Variants in SOX5 observed in about 807,000 individuals in gnomAD.
SOX5 encodes the protein SRY-box transcription factor 5, also known as transcription factor SOX-5.
A neutral mutation model predicts 92.0 loss-of-function variants in SOX5; 9 were observed. The ratio of observed to expected loss-of-function variants is 0.10; its 90% confidence interval spans 0.06 to 0.17. SOX5 has a LOEUF of 0.17. SOX5 is among the 10% of genes least tolerant of loss of function. The probability of loss-of-function intolerance (pLI) is 1.00; values close to 1 mark genes in which losing one functional copy is unlikely to be tolerated. For synonymous variants in SOX5, 344 were observed against 336.3 expected, an observed-to-expected ratio of 1.02 and a Z score of -0.25; for missense variants, 642 against 944.5, an observed-to-expected ratio of 0.68 and a Z score of 4.20.
At chr12:24,384,828 C>T (rs891298721) in intron 1 of SOX5, among the ~76,000 whole-genome samples, 13 of 152,116 alleles carry the variant, frequency 8.5e-5, no homozygotes, top group East Asian at 1.9e-4. Context: ...TCTCCTGAAA[C>T]GAGTAATATC....
intron 2 of SOX5, among the ~76,000 whole-genome samples, chr12:24,347,508 C>A (rs544220026): frequency 6.6e-6 from 1 of 152,210 alleles, no homozygotes; most frequent in South Asian, 2.1e-4. Flanking sequence ...AAAAAAAATT[C>A]TCATTAACTA....
In SOX5 at chr12:23,869,712, C is replaced by G. The variant is rs1406481694; in HGVS notation, c.271-23519G>C. Among the ~76,000 whole-genome samples the G allele has an allele frequency of 2.0e-5, 3 of 152,090 alleles. No individual in the cohort carries two copies. The East Asian group carries it at 5.8e-4, about 29-fold the overall frequency. On this transcript the variant is annotated intron_variant, in intron 2 of 14. Coordinates refer to ENST00000451604, the MANE Select transcript of SOX5 (RefSeq NM_006940.6). The stretch of plus-strand genomic sequence containing the variant: ...GATGTTCTTTTCATACTAAGACTTC[C>G]CGATGAAAGAAGTAGCTCAGACCAC...
Position 24,294,525 on chromosome 12 carries a change from G to A in SOX5, c.-173-17213C>T, listed in dbSNP as rs766233130. On this transcript the variant is annotated intron_variant, in intron 2 of 4. Transcript: ENST00000446891. ...CAAATGTGAATACCTCCATGCAAAT[G>A]CCCACACTCTGAGAAGCACCGCCCC... is the stretch of plus-strand genomic sequence containing the variant. Among the ~76,000 whole-genome samples the A allele has an allele frequency of 4.7e-4, 71 of 152,138 alleles. 2 individuals carry two copies. Among genetic ancestry groups the A allele is most frequent in the Non-Finnish European group, 1.8e-4 (12 of 68,028 alleles).
intron 6 of SOX5, among the ~76,000 whole-genome samples, chr12:23,697,162 A>G (rs1386888686): frequency 6.6e-6 from 1 of 152,198 alleles, no homozygotes; most frequent in Non-Finnish European, 1.5e-5. Flanking sequence ...TAATTGAAAG[A>G]GGATTATTGA....
intron 2 of SOX5, among the ~76,000 whole-genome samples, chr12:23,888,857 T>C (rs1031396026): frequency 6.6e-6 from 1 of 152,182 alleles, no homozygotes; most frequent in Non-Finnish European, 1.5e-5. Context: ...AAAAAACAAA[T>C]ACTCGCTTGT....
chr12:23,720,172 CAGAA>C (rs903058529), intron 6 of SOX5, among the ~76,000 whole-genome samples: 2 of 152,030 alleles, frequency 1.3e-5, no homozygotes, highest in African/African-American at 4.8e-5. Flanking sequence ...CAGCACAAAA[CAGAA>C]AGAATTTTTT....
chr12:23,576,701 T>C (rs1028019050), intron 9 of SOX5, among the ~76,000 whole-genome samples: 1 of 152,148 alleles, frequency 6.6e-6, no homozygotes, highest in Non-Finnish European at 1.5e-5. Flanking sequence ...ATGAGACTTA[T>C]AGATACAGTA....
chr12:24,452,643 G>A (rs1372286771), intron 1 of SOX5, among the ~76,000 whole-genome samples: 1 of 152,200 alleles, frequency 6.6e-6, no homozygotes, highest in Admixed American at 6.5e-5. Flanking sequence ...ATGTTGAAGT[G>A]TGAAGGCTTT....
chr12:24,337,674 G>A (rs576137965), intron 2 of SOX5, among the ~76,000 whole-genome samples: 21 of 152,078 alleles, frequency 1.4e-4, no homozygotes, highest in Admixed American at 7.2e-4. Flanking sequence ...TTTTAAGTTC[G>A]GTAGACATGT....
chr12:24,022,913 A>C (rs1280026109), intron 4 of SOX5, among the ~76,000 whole-genome samples: 1 of 113,064 alleles, frequency 8.8e-6, no homozygotes, highest in Non-Finnish European at 1.9e-5. Flanking sequence ...AAAACTTCTG[A>C]CCATGGGTAA....
intron 1 of SOX5, among the ~76,000 whole-genome samples, chr12:24,380,445 C>T (rs769497904): frequency 2.0e-5 from 3 of 152,182 alleles, no homozygotes; most frequent in South Asian, 2.1e-4. Flanking sequence ...ACTCCACTTG[C>T]GCAACATATA....
At chr12:24,424,758 T>C (rs1193534579) in intron 1 of SOX5, among the ~76,000 whole-genome samples, 1 of 151,046 alleles carries the variant, frequency 6.6e-6, no homozygotes, top group East Asian at 2.0e-4. Context: ...TACATTCTGT[T>C]AAATTTCAAA....
intron 4 of SOX5, among the ~76,000 whole-genome samples, chr12:24,069,168 T>C (rs2047489): frequency 0.22 from 32,928 of 152,032 alleles, 3,789 homozygotes; most frequent in Middle Eastern, 0.34. Context: ...AAATGTTTTT[T>C]AGCACTTTAA....
chr12:24,167,679 C>T (rs1374521234), intron 4 of SOX5, among the ~76,000 whole-genome samples: 1 of 152,228 alleles, frequency 6.6e-6, no homozygotes, highest in Non-Finnish European at 1.5e-5. Flanking sequence ...CTTTGTTTTA[C>T]TAAAAACAGC....
At chr12:24,467,898 A>G (rs1465112641) in intron 1 of SOX5, among the ~76,000 whole-genome samples, 1 of 152,204 alleles carries the variant, frequency 6.6e-6, no homozygotes, top group Non-Finnish European at 1.5e-5. Flanking sequence ...CTAGTGGGCT[A>G]CTTCATGGCT....
intron 1 of SOX5, among the ~76,000 whole-genome samples, chr12:24,369,952 T>C (rs1956553331): frequency 6.6e-6 from 1 of 152,232 alleles, no homozygotes; most frequent in Non-Finnish European, 1.5e-5. Flanking sequence ...TATTTACATA[T>C]AAATTATATC....
At chr12:23,826,064 T>C (rs2096227138) in intron 3 of SOX5, among the ~76,000 whole-genome samples, 1 of 152,114 alleles carries the variant, frequency 6.6e-6, no homozygotes, top group Non-Finnish European at 1.5e-5. Flanking sequence ...AGGGCACATG[T>C]GTACAATGTG....
At chr12:24,127,161 A>G (rs1160027307) in intron 4 of SOX5, among the ~76,000 whole-genome samples, 13 of 151,826 alleles carry the variant, frequency 8.6e-5, no homozygotes, top group Non-Finnish European at 4.4e-5. Context: ...GCCAAGGCAG[A>G]TGGATCATTG....
At chr12:23,659,758 G>A (rs919917514) in intron 7 of SOX5, among the ~76,000 whole-genome samples, 6 of 152,264 alleles carry the variant, frequency 3.9e-5, no homozygotes, top group African/African-American at 1.4e-4. Context: ...CGTGAGGGCA[G>A]GAGTTTGAAA....
Sources: allele counts gnomAD v4.1 joint callset (sites outside exome capture counted in the v4.1 genomes callset), GRCh38; gene constraint gnomAD v4.1.1; transcripts MANE v1.5; gene names NCBI Gene and HGNC (gene_info 2026-07-23, HGNC 2026-07-21).